QSOX1: variants seen among roughly 807,000 people sequenced by gnomAD.
QSOX1 encodes quiescin sulfhydryl oxidase 1.
In QSOX1, 40 loss-of-function variants were observed where a neutral mutation model predicts 76.1. The observed-to-expected ratio is 0.53, with a 90% CI of 0.41 to 0.68. QSOX1 has a LOEUF of 0.68. Ranked by LOEUF, QSOX1 falls within the 30% of genes least tolerant of loss-of-function variation. QSOX1 has a pLI of 0.00. For missense variants in QSOX1, 931 were observed against 974.3 expected (o/e 0.96, Z 0.59); for synonymous variants, 392 against 413.1 (o/e 0.95, Z 0.62).
Position 180,203,380 on chromosome 1 carries a change from A to G in QSOX1, c.*6343A>G, listed in dbSNP as rs576960737. ...AGGATGAACTTAAGTCAGGGCTTGG[A>G]CTAGAGCAAGGCAAGTGAGGTGCCA... On this transcript the variant is annotated 3_prime_UTR_variant, in exon 12 of 12. Coordinates refer to ENST00000367602, the MANE Select transcript of QSOX1 (RefSeq NM_002826.5). The G allele has an allele frequency of 1.3e-5, 2 of 152,358 alleles. No homozygotes were observed. The highest frequency in any genetic ancestry group is 3.9e-4 in the East Asian group (2 of 5,184). 9.4% of individuals were successfully genotyped at this position (152,358 alleles called of 1,614,324 possible). A position where few individuals can be genotyped will look rare whatever the true frequency, so the allele number is the denominator to read the frequency against.
At chr1:180,182,521 C>A (rs1390701383) in intron 6 of QSOX1, among the ~76,000 whole-genome samples, 3 of 152,158 alleles carry the variant, frequency 2.0e-5, no homozygotes, top group Non-Finnish European at 4.4e-5. Flanking sequence ...CCCTGTTCCG[C>A]AGCTCAGAGA....
In QSOX1 at chr1:180,182,257, T is replaced by C; in HGVS notation, c.690T>C (p.Gly230=). ...AGGCCAATGTGGTGAGAAAGTTTGGTGTCACCGACTTCCCCTCTTGCTACC... is the reference window on the plus strand; with the variant it reads ...AGGCCAATGTGGTGAGAAAGTTTGGCGTCACCGACTTCCCCTCTTGCTACC... ...NTEANVVRKF[G]VTDFPSCYLL... is the part of the protein sequence containing the mutation. The change falls in exon 6 of 12, where the codon GGT becomes GGC. Residue 230 remains glycine (G), a synonymous_variant. Transcript: ENST00000367602. 1.9e-6 allele frequency: 3 copies of C among 1,614,224 alleles called. No individual in the cohort carries two copies. Among genetic ancestry groups the C allele is most frequent in the South Asian group, 1.1e-5 (1 of 91,090 alleles).
intron 5 of QSOX1, among the ~76,000 whole-genome samples, chr1:180,179,468 C>T (rs1347263947): frequency 1.3e-5 from 2 of 152,240 alleles, no homozygotes; most frequent in Non-Finnish European, 2.9e-5. Flanking sequence ...GATTACGTTT[C>T]TCCGTAGTAT....
chr1:180,194,647 C>T (rs1006145194), intron 11 of QSOX1, among the ~76,000 whole-genome samples: 13 of 152,356 alleles, frequency 8.5e-5, no homozygotes, highest in Admixed American at 1.3e-4. Flanking sequence ...CTCTAGCCTA[C>T]TGGGGTCCCT....
At position 180,190,591 on chromosome 1, in the gene QSOX1, G is replaced by C; in HGVS notation, c.1288+11G>C. On this transcript the variant is annotated intron_variant, in intron 10 of 11. Coordinates refer to ENST00000367602, the MANE Select transcript of QSOX1 (RefSeq NM_002826.5). ...ACTCACAGGAAGCAGGTACGTCCAG[G>C]ACCCGTTCACCCCACTGTGCCTCCA... 6.2e-7 allele frequency: 1 copy of C among 1,609,002 alleles called. No individual in the cohort carries two copies. The highest frequency in any genetic ancestry group is 8.5e-7 in the Non-Finnish European group (1 of 1,176,334).
At position 180,196,870 on chromosome 1, in the gene QSOX1, G is replaced by A. The variant is rs139923113; in HGVS notation, c.2077G>A (p.Gly693Ser). 26 of 1,597,708 alleles carry A rather than the reference G, an allele frequency of 1.6e-5. No homozygotes were observed. In the African/African-American group the frequency reaches 3.2e-4, roughly 20 times the overall value. The part of the protein sequence containing the change: ...EGQLEARAGR[G>S]RGQWLQVLGG... ...CCAGCTGGAGGCCCGAGCTGGACGG[G>A]GCCGAGGCCAGTGGCTGCAGGTGCT... Residue 693 changes from glycine (G) to serine (S), a missense_variant, in exon 12 of 12, where the codon GGC (glycine) becomes AGC (serine). Coordinates refer to ENST00000367602, the MANE Select transcript of QSOX1 (RefSeq NM_002826.5). The surrounding 1 kb of genome is among the most constrained non-coding windows in gnomAD (Gnocchi z 4.1).
intron 5 of QSOX1, 70 bp from the exon 6 acceptor site, chr1:180,182,104 C>G (rs372986163): frequency 6.4e-7 from 1 of 1,562,844 alleles, no homozygotes; most frequent in South Asian, 1.1e-5. Context: ...CACAGGTCAC[C>G]GAGCTGGGAC....
At chr1:180,177,250 CTT>C (rs34390948) in intron 4 of QSOX1, among the ~76,000 whole-genome samples, 319 of 112,840 alleles carry the variant, frequency 2.8e-3, no homozygotes, top group Middle Eastern at 4.5e-3. Context: ...CAAAGTGATC[CTT>C]TTTTTTTTTT....
rs1663583320 is a variant in QSOX1 at position 180,199,346 on chromosome 1, C to CAAA, written c.*2311_*2312insAAA. 1 of 152,158 alleles carries CAAA rather than the reference C, an allele frequency of 6.6e-6. No individual in the cohort carries two copies. Among genetic ancestry groups the CAAA allele is most frequent in the Non-Finnish European group, 1.5e-5 (1 of 68,040 alleles). 9.4% of individuals were successfully genotyped at this position (152,158 alleles called of 1,614,324 possible). A position where few individuals can be genotyped will look rare whatever the true frequency, so the allele number is the denominator to read the frequency against. ...ATGGCTTCTCTAGAGGCTCTCCTGG[C>CAAA]AAGAGAGGGTCCCAAGGGGAGCCCT... On this transcript the variant is annotated 3_prime_UTR_variant, in exon 12 of 12. Coordinates refer to ENST00000367602, the MANE Select transcript of QSOX1 (RefSeq NM_002826.5).
chr1:180,177,370 C>T (rs974252768), intron 4 of QSOX1, among the ~76,000 whole-genome samples: 1 of 151,890 alleles, frequency 6.6e-6, no homozygotes, highest in Non-Finnish European at 1.5e-5. Context: ...TCTGCCGCCT[C>T]AGCCTCCCGA....
intron 10 of QSOX1, among the ~76,000 whole-genome samples, chr1:180,193,192 T>G (rs576733722): frequency 6.6e-6 from 1 of 152,126 alleles, no homozygotes; most frequent in East Asian, 1.9e-4. Context: ...TGATCCCTTA[T>G]CAGGGGATAA....
chr1:180,165,084 C>T lies in QSOX1; in HGVS notation c.266-1407C>T, dbSNP rs12034708. Reference sequence around the variant, plus strand: ...CTACCTAATCTAATACCTTTCACCTCGTCTAACATTGGAGATCACATTTCA... The same window carrying T: ...CTACCTAATCTAATACCTTTCACCTTGTCTAACATTGGAGATCACATTTCA... On this transcript the variant is annotated intron_variant, in intron 1 of 11. Transcript: ENST00000367602. Among the ~76,000 whole-genome samples, 3,427 of 152,304 alleles carry T rather than the reference C, an allele frequency of 0.023. 185 individuals carry two copies. In the East Asian group the frequency reaches 0.23, roughly 10 times the overall value.
At chr1:180,185,510 T>C (rs1486887966) in intron 7 of QSOX1, among the ~76,000 whole-genome samples, 1 of 152,216 alleles carries the variant, frequency 6.6e-6, no homozygotes, top group Non-Finnish European at 1.5e-5. Flanking sequence ...GTCCGGCAGC[T>C]GTGAGCACAT....
At chr1:180,187,121 C>T (rs968732681) in intron 8 of QSOX1, among the ~76,000 whole-genome samples, 8 of 152,192 alleles carry the variant, frequency 5.3e-5, no homozygotes, top group Non-Finnish European at 7.3e-5. Context: ...TGTGCCTCTC[C>T]TTGGGAACTT....
intron 10 of QSOX1, among the ~76,000 whole-genome samples, chr1:180,191,117 C>T (rs1238942059): frequency 6.6e-6 from 1 of 152,206 alleles, no homozygotes; most frequent in African/African-American, 2.4e-5. Context: ...CTGCCCCACA[C>T]CTGCTTTTGA....
In QSOX1 at chr1:180,192,307, G is replaced by A. The variant is rs1180856537; in HGVS notation, c.1288+1727G>A. Among the ~76,000 whole-genome samples, 4 of 152,322 alleles carry A rather than the reference G, an allele frequency of 2.6e-5. No homozygotes were observed. In the East Asian group the frequency reaches 7.8e-4, roughly 30 times the overall value. ...GCGGAGGTGAGCGCTCATGGGCTCA[G>A]AGGCCTTGGCGAGGGCAGGGTTTGG... On this transcript the variant is annotated intron_variant, in intron 10 of 11. Coordinates refer to ENST00000367602, the MANE Select transcript of QSOX1 (RefSeq NM_002826.5).
At chr1:180,159,820 G>C (rs1662454405) in intron 1 of QSOX1, among the ~76,000 whole-genome samples, 1 of 152,130 alleles carries the variant, frequency 6.6e-6, no homozygotes, top group Non-Finnish European at 1.5e-5. Flanking sequence ...CCTTGTGCAG[G>C]AGCTCAGTCC....
intron 4 of QSOX1, among the ~76,000 whole-genome samples, chr1:180,177,288 T>C (rs1014416597): frequency 4.0e-5 from 6 of 149,734 alleles, no homozygotes; most frequent in Non-Finnish European, 7.4e-5. Flanking sequence ...AATCTCGCTC[T>C]GTTGCCCAGG....
At chr1:180,170,489 C>A (rs947751369) in intron 2 of QSOX1, among the ~76,000 whole-genome samples, 1 of 152,088 alleles carries the variant, frequency 6.6e-6, no homozygotes, top group African/African-American at 2.4e-5. Flanking sequence ...CTCTTTTGGC[C>A]CCAAGATAGC....
Sources: gnomAD v4.1 joint callset for allele counts (sites outside exome capture counted in the v4.1 genomes callset) on GRCh38, gnomAD v4.1.1 for gene constraint, Gnocchi (gnomAD v3.1) non-coding constraint, MANE v1.5 for transcripts, NCBI Gene and HGNC (gene_info 2026-07-23, HGNC 2026-07-21) for gene names.